Variants in ATP11C observed in about 807,000 individuals in gnomAD.
ATP11C encodes phospholipid-transporting ATPase IG.
ATP11C carries 36 observed loss-of-function variants against 97.4 expected under a neutral mutation model. The ratio of observed to expected loss-of-function variants is 0.37; its 90% CI spans 0.28 to 0.49. The LOEUF (loss-of-function observed/expected upper bound fraction) is 0.49, where lower values mean the gene tolerates loss of function less well. Among genes scored for constraint, ATP11C ranks in the 20% least tolerant of loss-of-function variants. The pLI is 0.98. For synonymous variants in ATP11C, 275 were observed against 290.9 expected, an observed-to-expected ratio of 0.95 and a Z score of 0.56; for missense variants, 730 against 824.6, an observed-to-expected ratio of 0.89 and a Z score of 1.40.
chrX:139,772,565 G>A (rs113394189), intron 19 of ATP11C, among the ~76,000 whole-genome samples: 79 of 111,856 alleles, frequency 7.1e-4, no homozygotes, highest in African/African-American at 2.4e-3. Flanking sequence ...TACCCTGCAA[G>A]GCCACAGAGG....
intron 12 of ATP11C, among the ~76,000 whole-genome samples, chrX:139,790,261 G>A (rs985202211): frequency 1.8e-5 from 2 of 110,780 alleles, no homozygotes; most frequent in African/African-American, 6.6e-5. Context: ...TGTAATTTTT[G>A]TAGAGACAGC....
At chrX:139,861,840 C>A (rs2084204310) in intron 1 of ATP11C, among the ~76,000 whole-genome samples, 1 of 110,995 alleles carries the variant, frequency 9.0e-6, no homozygotes, top group Non-Finnish European at 1.9e-5. Context: ...ACTTCCATAA[C>A]CCTTGTCATA....
chrX:139,899,093 A>T (rs1280733286), intron 1 of ATP11C, among the ~76,000 whole-genome samples: 1 of 111,801 alleles, frequency 8.9e-6, no homozygotes, highest in Non-Finnish European at 1.9e-5. Flanking sequence ...AAAATACCTG[A>T]CCAGTATCCC....
At position 139,774,671 on chromosome X, in the gene ATP11C, A is replaced by G; in HGVS notation, c.2216+19T>C. On this transcript the variant is annotated intron_variant, in intron 19 of 29. Transcript: ENST00000682941. The stretch of plus-strand genomic sequence containing the variant: ...TCTACACCAATGTCTAAATATAAGA[A>G]ACTGATGTACTTTCTTACTTTTTAA... 1 of 1,184,208 alleles carries G rather than the reference A, an allele frequency of 8.4e-7. No homozygotes were observed. Among genetic ancestry groups the G allele is most frequent in the Non-Finnish European group, 1.1e-6 (1 of 876,560 alleles).
At chrX:139,866,660 G>A (rs2084292838) in intron 1 of ATP11C, among the ~76,000 whole-genome samples, 1 of 110,048 alleles carries the variant, frequency 9.1e-6, no homozygotes, top group Non-Finnish European at 1.9e-5. Flanking sequence ...TCGAGGCTGT[G>A]GTAAGCAACG....
intron 12 of ATP11C, 101 bp from the exon 13 acceptor site, chrX:139,789,589 C>A: frequency 1.8e-6 from 1 of 563,757 alleles, no homozygotes. Context: ...GGAAATCACC[C>A]CTTCTAAGAC....
At chrX:139,903,284 T>A (rs368697191) in intron 1 of ATP11C, among the ~76,000 whole-genome samples, 1 of 111,618 alleles carries the variant, frequency 9.0e-6, no homozygotes, top group Non-Finnish European at 1.9e-5. Flanking sequence ...CATTTTGTTA[T>A]AATGTTGGGT....
intron 1 of ATP11C, among the ~76,000 whole-genome samples, chrX:139,880,545 A>G (rs1400891638): frequency 1.8e-5 from 2 of 111,400 alleles, no homozygotes; most frequent in African/African-American, 6.5e-5. Flanking sequence ...TTGGAAAACA[A>G]AGGAGGAAGA....
intron 5 of ATP11C, among the ~76,000 whole-genome samples, chrX:139,809,280 A>C (rs1433198106): frequency 8.9e-6 from 1 of 112,298 alleles, no homozygotes; most frequent in African/African-American, 3.2e-5. Context: ...ATGTCCATCA[A>C]CATATAAATG....
intron 1 of ATP11C, among the ~76,000 whole-genome samples, chrX:139,828,827 T>G (rs2147888195): frequency 8.9e-6 from 1 of 112,179 alleles, no homozygotes; most frequent in East Asian, 2.8e-4. Context: ...CTGATTAACT[T>G]AAAACAGAAA....
intron 1 of ATP11C, among the ~76,000 whole-genome samples, chrX:139,926,332 C>T (rs1277763283): frequency 9.0e-6 from 1 of 111,492 alleles, no homozygotes; most frequent in African/African-American, 3.3e-5. Context: ...ATATCCCATG[C>T]ATTCACCCTC....
At chrX:139,753,477 A>G (rs983045250) in intron 23 of ATP11C, among the ~76,000 whole-genome samples, 2 of 111,877 alleles carry the variant, frequency 1.8e-5, no homozygotes, top group African/African-American at 6.5e-5. Context: ...AGGAAGTGTT[A>G]AGAGGGAAAT....
chrX:139,846,892 C>G (rs921203088), intron 1 of ATP11C, among the ~76,000 whole-genome samples: 1 of 107,300 alleles, frequency 9.3e-6, no homozygotes, highest in Non-Finnish European at 1.9e-5. Context: ...CTGTGGCACT[C>G]TGCACTGCTT....
chrX:139,797,691 T>G (rs2082831048), intron 10 of ATP11C, among the ~76,000 whole-genome samples: 1 of 111,219 alleles, frequency 9.0e-6, no homozygotes, highest in South Asian at 3.9e-4. Flanking sequence ...CCTAAATGTT[T>G]GGGGTAGAGG....
At position 139,762,038 on chromosome X, in the gene ATP11C, A is replaced by T; in HGVS notation, c.2563T>A (p.Leu855Ile). Residue 855 changes from leucine (L) to isoleucine (I), a missense_variant, in exon 22 of 30, where the codon TTA becomes ATA. Physicochemically the swap from Leu to Ile is conservative, Grantham distance 5. Coordinates refer to ENST00000682941, the MANE Select transcript of ATP11C (RefSeq NM_001353812.2). ...CCATGAGCCAACAGCAGTTTCTTTA[A>T]GTGTTTAAACTTTGGAACAGAATAA... ...SDYSVPKFKH[L>I]KKLLLAHGHL... 4 of 1,208,199 alleles carry T rather than the reference A, an allele frequency of 3.3e-6. No individual in the cohort carries two copies. Among genetic ancestry groups the T allele is most frequent in the Non-Finnish European group, 4.5e-6 (4 of 892,495 alleles).
chrX:139,889,865 A>G (rs1438316761), intron 1 of ATP11C, among the ~76,000 whole-genome samples: 1 of 112,145 alleles, frequency 8.9e-6, no homozygotes, highest in Non-Finnish European at 1.9e-5. Flanking sequence ...TATTTATTCA[A>G]AACAGGCTGA....
chrX:139,798,127 C>T, intron 10 of ATP11C, 146 bp downstream of exon 10: 1 of 486,686 alleles, frequency 2.1e-6, no homozygotes, highest in South Asian at 3.3e-5. Flanking sequence ...AATCATTGAG[C>T]ACAGTTTCTG....
intron 1 of ATP11C, among the ~76,000 whole-genome samples, chrX:139,918,584 G>A (rs1352128331): frequency 9.7e-6 from 1 of 103,084 alleles, no homozygotes; most frequent in Non-Finnish European, 2.0e-5. Context: ...GTTGCAGTGA[G>A]CCAAGACCAC....
At chrX:139,848,492 GT>G (rs199816760) in intron 1 of ATP11C, among the ~76,000 whole-genome samples, 3,008 of 99,995 alleles carry the variant, frequency 0.03, 54 homozygotes, top group East Asian at 0.12. Context: ...TCTCTTTTTT[GT>G]TTTTTTTTTT....
Sources: allele counts gnomAD v4.1 joint callset (sites outside exome capture counted in the v4.1 genomes callset), GRCh38; gene constraint gnomAD v4.1.1; transcripts MANE v1.5; gene names NCBI Gene and HGNC (gene_info 2026-07-23, HGNC 2026-07-21).